The following CHD6 variants were observed in gnomAD, a reference collection of about 807,000 sequenced individuals.
CHD6 encodes ATP-dependent chromatin remodeler CHD6.
A neutral mutation model predicts 276.9 loss-of-function variants in CHD6; 50 were observed. That is an observed-to-expected ratio of 0.18 (90% CI 0.14 to 0.23). CHD6 has a LOEUF of 0.23. Among genes scored for constraint, CHD6 ranks in the 10% least tolerant of loss-of-function variants. The pLI is 1.00. For synonymous variants in CHD6, 1,173 were observed against 1,229.3 expected (o/e 0.95, Z 0.96); for missense variants, 2,564 against 3,365.8 (o/e 0.76, Z 5.89).
At chr20:41,462,690 A>G (rs759938060) in intron 17 of CHD6, among the ~76,000 whole-genome samples, 8 of 152,254 alleles carry the variant, frequency 5.3e-5, no homozygotes, top group Non-Finnish European at 8.8e-5. Context: ...GTATTTATAT[A>G]CACACATACA....
chr20:41,563,569 ACT>A (rs1392341189), intron 1 of CHD6, among the ~76,000 whole-genome samples: 11 of 152,128 alleles, frequency 7.2e-5, no homozygotes, highest in African/African-American at 2.7e-4. Flanking sequence ...AGAAATACCA[ACT>A]CCAGTTCATC....
intron 1 of CHD6, among the ~76,000 whole-genome samples, chr20:41,555,419 C>CA: frequency 6.6e-6 from 1 of 151,010 alleles, no homozygotes; most frequent in African/African-American, 2.4e-5. Flanking sequence ...GGCTGACCCC[C>CA]ACCTCCCTCC....
At chr20:41,509,371 A>G (rs1157617304) in intron 5 of CHD6, among the ~76,000 whole-genome samples, 7 of 152,190 alleles carry the variant, frequency 4.6e-5, no homozygotes. Context: ...CTACACTAAC[A>G]TAACTCATGG....
At chr20:41,494,727 T>C (rs1027132489) in intron 8 of CHD6, among the ~76,000 whole-genome samples, 2 of 152,192 alleles carry the variant, frequency 1.3e-5, no homozygotes, top group African/African-American at 4.8e-5. Context: ...CCACTTAGGC[T>C]GCAAGGCACT....
chr20:41,599,449 T>C (rs2045751742), intron 1 of CHD6, among the ~76,000 whole-genome samples: 1 of 152,160 alleles, frequency 6.6e-6, no homozygotes, highest in Admixed American at 6.5e-5. Context: ...TTTACCCCCC[T>C]TGCAATTGCT....
At chr20:41,598,362 G>C (rs1224144935) in intron 1 of CHD6, among the ~76,000 whole-genome samples, 1 of 151,796 alleles carries the variant, frequency 6.6e-6, no homozygotes, top group Admixed American at 6.6e-5. Context: ...AGAAGTTAAA[G>C]ATTTAAAACC....
intron 1 of CHD6, among the ~76,000 whole-genome samples, chr20:41,612,175 C>T (rs1289348189): frequency 6.6e-6 from 1 of 152,198 alleles, no homozygotes; most frequent in East Asian, 1.9e-4. Context: ...CATCTACATG[C>T]TTCTTTTCAA....
intron 1 of CHD6, among the ~76,000 whole-genome samples, chr20:41,597,396 T>C (rs2045728531): frequency 6.6e-6 from 1 of 152,218 alleles, no homozygotes; most frequent in Non-Finnish European, 1.5e-5. Flanking sequence ...TTAAAAACTA[T>C]GTATTTGGTC....
At chr20:41,603,167 A>G (rs1035388147) in intron 1 of CHD6, among the ~76,000 whole-genome samples, 9 of 151,954 alleles carry the variant, frequency 5.9e-5, no homozygotes, top group African/African-American at 2.2e-4. Context: ...AGCCTGGCCA[A>G]CATGGTGAAA....
Position 41,423,592 on chromosome 20 carries a change from G to A in CHD6, c.4455C>T (p.Ser1485=), listed in dbSNP as rs760204902. ...TCTCATCCGACTTCTTGTCCAAACG[G>A]GAAATGATGCGGAACTGTGTCCAGT... ...TFDWTQFRII[S]RLDKKSDESL... Residue 1485 remains serine, a synonymous_variant, in exon 30 of 37, where the codon TCC becomes TCT. Coordinates refer to ENST00000373233, the MANE Select transcript of CHD6 (RefSeq NM_032221.5). The A allele has an allele frequency of 2.5e-6, 4 of 1,614,044 alleles. No individual in the cohort carries two copies. Among genetic ancestry groups the A allele is most frequent in the Middle Eastern group, 3.3e-4 (2 of 6,082 alleles).
chr20:41,534,060 A>G (rs1212026038), intron 2 of CHD6, among the ~76,000 whole-genome samples: 3 of 152,236 alleles, frequency 2.0e-5, no homozygotes, highest in Non-Finnish European at 4.4e-5. Flanking sequence ...CCACTTTTTA[A>G]GAAAACATCC....
intron 6 of CHD6, 135 bp downstream of exon 6, chr20:41,499,160 G>A (rs2043770031): frequency 1.6e-6 from 1 of 607,218 alleles, no homozygotes; most frequent in Non-Finnish European, 2.8e-6. Flanking sequence ...ATAAGTGTTG[G>A]CTAGCCAGAC....
In CHD6 at chr20:41,595,289, A is replaced by G. The variant is rs144882792; in HGVS notation, c.-24+23051T>C. Among the ~76,000 whole-genome samples, 726 of 152,326 alleles carry G rather than the reference A, an allele frequency of 4.8e-3. 2 individuals carry two copies. The highest frequency in any genetic ancestry group is 7.0e-3 in the Non-Finnish European group (476 of 68,024). On this transcript the variant is annotated intron_variant, in intron 1 of 36. Coordinates refer to ENST00000373233, the MANE Select transcript of CHD6 (RefSeq NM_032221.5). Reference sequence around the variant, plus strand: ...GGTGGTCAGGACACCCTGGAAGTTGAAAGTGTGTGAATGAGATGCAGAATT... The same window carrying G: ...GGTGGTCAGGACACCCTGGAAGTTGGAAGTGTGTGAATGAGATGCAGAATT...
intron 14 of CHD6, 139 bp from the exon 15 acceptor site, chr20:41,484,746 C>A: frequency 1.1e-6 from 1 of 873,340 alleles, no homozygotes; most frequent in Non-Finnish European, 1.8e-6. Flanking sequence ...TTATGATCGA[C>A]CCCTGAAAAT....
rs2044735392 is a variant in CHD6 at position 41,533,249 on chromosome 20, T to C, written c.355A>G (p.Lys119Glu). Residue 119 changes from lysine (K) to glutamate (E), a missense_variant, in exon 3 of 37, where the codon AAG (lysine) becomes GAG (glutamate). Lys to Glu is a moderately conservative substitution (Grantham distance 56). Transcript: ENST00000373233. ...KGSKDREPKPKRKREPKEPKE... is the reference protein window; with the variant it reads ...KGSKDREPKPERKREPKEPKE... Reference sequence around the variant, plus strand: ...GGCTCTTTCGGTTCTCGTTTCCTCTTTGGCTTGGGCTCTCTGTCCTTGCTT... The same window carrying C: ...GGCTCTTTCGGTTCTCGTTTCCTCTCTGGCTTGGGCTCTCTGTCCTTGCTT... The C allele has an allele frequency of 2.5e-6, 4 of 1,613,554 alleles. No homozygotes were observed. The highest frequency in any genetic ancestry group is 3.4e-6 in the Non-Finnish European group (4 of 1,179,950).
At chr20:41,455,017 T>C (rs2048341099) in intron 19 of CHD6, among the ~76,000 whole-genome samples, 1 of 152,190 alleles carries the variant, frequency 6.6e-6, no homozygotes, top group African/African-American at 2.4e-5. Context: ...ACAATGGCAA[T>C]GTGACACTTG....
At chr20:41,585,143 A>G (rs6029727) in intron 1 of CHD6, among the ~76,000 whole-genome samples, 2 of 152,352 alleles carry the variant, frequency 1.3e-5, no homozygotes, top group Admixed American at 6.5e-5. Context: ...AAATTTCTGT[A>G]TATAAATTTG....
At chr20:41,492,023 T>C (rs2043568225) in intron 10 of CHD6, among the ~76,000 whole-genome samples, 1 of 152,212 alleles carries the variant, frequency 6.6e-6, no homozygotes, top group African/African-American at 2.4e-5. Context: ...TGCTTCTAGA[T>C]AATAACTTAC....
At position 41,414,840 on chromosome 20, in the gene CHD6, C is replaced by T. The variant is rs2046945019; in HGVS notation, c.6939+346G>A. On this transcript the variant is annotated intron_variant, in intron 34 of 36. Transcript: ENST00000373233. ...CCCATACCCCAGTCTTGGAGAGCCT[C>T]ACTACCCCGGAGAAAAGCCGCTGCA... 28 of 1,176,882 alleles carry T rather than the reference C, an allele frequency of 2.4e-5. 1 individual carries two copies. In the South Asian group the frequency reaches 7.1e-4, roughly 30 times the overall value. The allele number at this position is 1,176,882 out of a possible 1,614,324, so 72.9% of individuals were successfully genotyped here.
Sources: gnomAD v4.1 joint callset for allele counts (sites outside exome capture counted in the v4.1 genomes callset) on GRCh38, gnomAD v4.1.1 for gene constraint, MANE v1.5 for transcripts, NCBI Gene and HGNC (gene_info 2026-07-23, HGNC 2026-07-21) for gene names.